The following PRKN variants were observed in gnomAD, a reference collection of about 807,000 sequenced individuals.
PRKN encodes the protein E3 ubiquitin-protein ligase parkin.
PRKN carries 56 observed loss-of-function variants against 59.5 expected under a neutral mutation model. The observed-to-expected ratio is 0.94, with a 90% CI of 0.76 to 1.18. The LOEUF (loss-of-function observed/expected upper bound fraction) is 1.18. PRKN is among the 50% of genes most tolerant of loss of function. The pLI is 0.00. For synonymous variants in PRKN, 250 were observed against 222.1 expected (o/e 1.13, Z -1.12); for missense variants, 657 against 596.4 (o/e 1.10, Z -1.06).
At chr6:162,624,303 G>A (rs989668526) in intron 1 of PRKN, 3 of 151,074 alleles carry the variant, frequency 2.0e-5, no homozygotes, top group African/African-American at 7.3e-5. Context: ...TGTTACGTGA[G>A]GAGAACAATC....
chr6:162,462,373 G>A (rs1055267653), intron 1 of PRKN, among the ~76,000 whole-genome samples: 3 of 152,220 alleles, frequency 2.0e-5, no homozygotes, highest in Admixed American at 6.5e-5. Context: ...ATTAGATTGA[G>A]AGTGATTGTA....
chr6:162,719,623 A>G (rs1409890660), intron 1 of PRKN, among the ~76,000 whole-genome samples: 1 of 152,174 alleles, frequency 6.6e-6, no homozygotes, highest in Non-Finnish European at 1.5e-5. Context: ...TCCATTGCAG[A>G]CAATTCCCAA....
chr6:162,707,678 G>A (rs936981227), intron 1 of PRKN, among the ~76,000 whole-genome samples: 1 of 151,650 alleles, frequency 6.6e-6, no homozygotes, highest in African/African-American at 2.4e-5. Flanking sequence ...GGGTTCAAGT[G>A]ATTCTCACGC....
chr6:161,631,104 A>C (rs1783289963), intron 7 of PRKN, among the ~76,000 whole-genome samples: 1 of 152,120 alleles, frequency 6.6e-6, no homozygotes, highest in South Asian at 2.1e-4. Flanking sequence ...AGAGGGTGGG[A>C]GCCCAGCAAT....
intron 6 of PRKN, among the ~76,000 whole-genome samples, chr6:161,805,452 G>GCACA (rs1554310490): frequency 0.064 from 2,500 of 39,108 alleles, 64 homozygotes; most frequent in South Asian, 0.12. Flanking sequence ...GTACACACAT[G>GCACA]CACACACACA....
intron 1 of PRKN, among the ~76,000 whole-genome samples, chr6:162,557,979 T>C (rs747780692): frequency 9.9e-5 from 15 of 152,244 alleles, no homozygotes; most frequent in Non-Finnish European, 1.8e-4. Context: ...TTGTAATTTT[T>C]GCCCAGTTGC....
chr6:162,084,326 A>G (rs1001592825), intron 4 of PRKN, among the ~76,000 whole-genome samples: 3 of 152,156 alleles, frequency 2.0e-5, no homozygotes, highest in African/African-American at 4.8e-5. Flanking sequence ...CCACTCATGC[A>G]TTGAAAAGGC....
chr6:161,759,040 G>T (rs929356693), intron 7 of PRKN, among the ~76,000 whole-genome samples: 25 of 152,202 alleles, frequency 1.6e-4, no homozygotes, highest in African/African-American at 5.8e-4. Flanking sequence ...AGCCAGGCGT[G>T]GTGGTGGGCA....
intron 1 of PRKN, among the ~76,000 whole-genome samples, chr6:162,515,617 A>C (rs1777815900): frequency 6.6e-6 from 1 of 152,350 alleles, no homozygotes; most frequent in South Asian, 2.1e-4. Context: ...TGTTAAGAAA[A>C]GCAACAGTCT....
At chr6:161,469,295 C>G (rs1283417621) in intron 9 of PRKN, among the ~76,000 whole-genome samples, 2 of 152,194 alleles carry the variant, frequency 1.3e-5, no homozygotes, top group Non-Finnish European at 2.9e-5. Context: ...GGCACCCATT[C>G]TCTCTCCTGC....
intron 9 of PRKN, among the ~76,000 whole-genome samples, chr6:161,537,808 T>C (rs1185886985): frequency 2.6e-5 from 4 of 152,298 alleles, no homozygotes; most frequent in South Asian, 2.1e-4. Flanking sequence ...AAGAATTCTT[T>C]AGGCATATGT....
At chr6:161,715,287 G>T (rs1346423519) in intron 7 of PRKN, among the ~76,000 whole-genome samples, 1 of 151,974 alleles carries the variant, frequency 6.6e-6, no homozygotes, top group Non-Finnish European at 1.5e-5. Flanking sequence ...GAGAATGGCA[G>T]GACTGGAAGA....
chr6:161,836,987 C>T (rs747075646), intron 6 of PRKN, among the ~76,000 whole-genome samples: 2 of 152,196 alleles, frequency 1.3e-5, no homozygotes, highest in Non-Finnish European at 1.5e-5. Context: ...TTTCGCTCCG[C>T]TCCCACACTC....
chr6:162,243,644 A>T (rs1303599429), intron 3 of PRKN, among the ~76,000 whole-genome samples: 1 of 152,162 alleles, frequency 6.6e-6, no homozygotes, highest in African/African-American at 2.4e-5. Context: ...TTTGCTGAAG[A>T]TCTACAAAGA....
At chr6:162,511,868 T>C (rs1003933664) in intron 1 of PRKN, among the ~76,000 whole-genome samples, 1 of 152,198 alleles carries the variant, frequency 6.6e-6, no homozygotes, top group Non-Finnish European at 1.5e-5. Flanking sequence ...GAGATTTTAA[T>C]TTTTAATAAT....
At chr6:162,171,355 T>C (rs966916079) in intron 4 of PRKN, among the ~76,000 whole-genome samples, 2 of 152,170 alleles carry the variant, frequency 1.3e-5, no homozygotes, top group African/African-American at 4.8e-5. Context: ...CTAGCAATTC[T>C]GTAAGATGTA....
intron 1 of PRKN, among the ~76,000 whole-genome samples, chr6:162,562,175 A>T (rs1490244372): frequency 2.0e-5 from 3 of 152,138 alleles, no homozygotes; most frequent in African/African-American, 7.2e-5. Flanking sequence ...ACCAGACAAC[A>T]TTTCTAGACA....
chr6:162,602,140 A>T (rs1448639654), intron 1 of PRKN, among the ~76,000 whole-genome samples: 1 of 152,124 alleles, frequency 6.6e-6, no homozygotes. Flanking sequence ...TGCAGGAGAG[A>T]GCACCTCCGC....
Position 161,401,261 on chromosome 6 carries a change from A to G in PRKN, c.1084-14384T>C, listed in dbSNP as rs538250818. 1.1e-4 allele frequency among the ~76,000 whole-genome samples: 17 copies of G among 152,252 alleles called. No homozygotes were observed. The highest frequency in any genetic ancestry group is 4.1e-4 in the African/African-American group (17 of 41,550). On this transcript the variant is annotated intron_variant, in intron 9 of 11. Transcript: ENST00000366898. This position sits in a 1 kb window ranked among gnomAD's most constrained non-coding sequence, Gnocchi z 4.4. Reference sequence around the variant, plus strand: ...TCAGTCACGTCCTGGGGAATTGAGGAGAAGATCCACCCTACCAAAGGCCAG... The same window carrying G: ...TCAGTCACGTCCTGGGGAATTGAGGGGAAGATCCACCCTACCAAAGGCCAG...
Sources: allele counts gnomAD v4.1 joint callset (sites outside exome capture counted in the v4.1 genomes callset), GRCh38; gene constraint gnomAD v4.1.1; non-coding constraint Gnocchi (gnomAD v3.1); transcripts MANE v1.5; gene names NCBI Gene and HGNC (gene_info 2026-07-23, HGNC 2026-07-21).